CCDC92B: variants seen among roughly 807,000 people sequenced by gnomAD.
The protein encoded by CCDC92B is coiled-coil domain containing 92B, also known as coiled-coil domain-containing 92B.
A neutral mutation model predicts 5.6 loss-of-function variants in CCDC92B; 2 were observed. The ratio of observed to expected loss-of-function variants is 0.36; its 90% CI spans 0.15 to 1.12. The LOEUF (loss-of-function observed/expected upper bound fraction) is 1.12, where lower values mean the gene tolerates loss of function less well. CCDC92B is among the 50% of genes most tolerant of loss of function. CCDC92B has a pLI of 0.40. For missense variants in CCDC92B, 271 were observed against 262.2 expected (o/e 1.03, Z -0.23); for synonymous variants, 115 against 122.3 (o/e 0.94, Z 0.39).
At chr17:2,742,571 A>G (rs554824966) in intron 1 of CCDC92B, among the ~76,000 whole-genome samples, 1 of 152,298 alleles carries the variant, frequency 6.6e-6, no homozygotes, top group East Asian at 1.9e-4. Flanking sequence ...GAATGAAGGC[A>G]TATTTGCTAG....
intron 1 of CCDC92B, among the ~76,000 whole-genome samples, chr17:2,736,528 C>T (rs1040592013): frequency 2.0e-5 from 3 of 151,960 alleles, no homozygotes; most frequent in African/African-American, 4.8e-5. Context: ...GGGAAGACTG[C>T]GTGAGTCCAG....
At chr17:2,748,166 TTCTA>T (rs1386418253) in intron 1 of CCDC92B, 1 of 537,578 alleles carries the variant, frequency 1.9e-6, no homozygotes, top group Admixed American at 1.9e-5. Context: ...CTCTTTTGGA[TTCTA>T]TCTCTTGCTG....
chr17:2,730,282 AC>A (rs775719358), intron 3 of CCDC92B, among the ~76,000 whole-genome samples, 163 bp downstream of exon 3: 79 of 152,258 alleles, frequency 5.2e-4, no homozygotes, highest in Middle Eastern at 3.4e-3. Context: ...AATGTCGTCC[AC>A]TGGGCAAGTG....
chr17:2,748,334 G>C, intron 1 of CCDC92B: 1 of 974,610 alleles, frequency 1.0e-6, no homozygotes, highest in Non-Finnish European at 1.2e-6. Context: ...CCCCCACCAA[G>C]ATGGAACGAC....
At chr17:2,739,195 A>T (rs370543056) in intron 1 of CCDC92B, among the ~76,000 whole-genome samples, 1 of 148,152 alleles carries the variant, frequency 6.7e-6, no homozygotes, top group South Asian at 2.1e-4. Context: ...GTAGAACCCC[A>T]TCTCTACTAA....
intron 1 of CCDC92B, among the ~76,000 whole-genome samples, chr17:2,745,490 C>T (rs982279737): frequency 6.6e-6 from 1 of 152,088 alleles, no homozygotes; most frequent in Non-Finnish European, 1.5e-5. Flanking sequence ...ACTAGGCAGG[C>T]TGCTTTTCTC....
At chr17:2,745,984 C>CT (rs983778780) in intron 1 of CCDC92B, among the ~76,000 whole-genome samples, 4 of 151,894 alleles carry the variant, frequency 2.6e-5, no homozygotes, top group South Asian at 4.2e-4. Context: ...CCTTCTCCTT[C>CT]TTTTTTTTCC....
At chr17:2,734,025 G>A (rs2070830456) in intron 2 of CCDC92B, among the ~76,000 whole-genome samples, 1 of 152,072 alleles carries the variant, frequency 6.6e-6, no homozygotes, top group Non-Finnish European at 1.5e-5. Context: ...CTCCCAAAGT[G>A]CTGGGATTAC....
At chr17:2,734,663 G>A (rs1401786261) in intron 2 of CCDC92B, among the ~76,000 whole-genome samples, 1 of 151,944 alleles carries the variant, frequency 6.6e-6, no homozygotes, top group African/African-American at 2.4e-5. Context: ...CTAATTTTTT[G>A]TATTTTAGTA....
chr17:2,723,939 A>C lies in CCDC92B; in HGVS notation c.*472T>G, dbSNP rs563307758. 1.9e-5 allele frequency: 18 copies of C among 929,440 alleles called. No individual in the cohort carries two copies. The highest frequency in any genetic ancestry group is 2.4e-5 in the African/African-American group (1 of 41,290). The allele number at this position is 929,440 out of a possible 1,614,324, so 57.6% of individuals were successfully genotyped here. ...CCTGGGCCTCTCCTGGGGAGGAAGA[A>C]GGCTTGGCGGGAAGGGCGTCGGCGC... On this transcript the variant is annotated 3_prime_UTR_variant, in exon 4 of 4. Coordinates refer to ENST00000614400, the MANE Select transcript of CCDC92B (RefSeq NM_001355573.2).
At chr17:2,739,405 G>A (rs1181603506) in intron 1 of CCDC92B, among the ~76,000 whole-genome samples, 4 of 151,200 alleles carry the variant, frequency 2.6e-5, no homozygotes, top group Non-Finnish European at 5.9e-5. Context: ...AACAGGCTGG[G>A]CGCGGTGGCT....
intron 3 of CCDC92B, 107 bp downstream of exon 3, chr17:2,730,339 C>T: frequency 1.7e-6 from 1 of 585,612 alleles, no homozygotes; most frequent in Non-Finnish European, 2.2e-6. Flanking sequence ...AGTGACTATC[C>T]CCAAGTCTAG....
intron 1 of CCDC92B, among the ~76,000 whole-genome samples, chr17:2,743,066 G>T (rs922949929): frequency 6.6e-6 from 1 of 152,186 alleles, no homozygotes; most frequent in Non-Finnish European, 1.5e-5. Flanking sequence ...CATTGCAGTA[G>T]GCTCCTGACT....
In CCDC92B at chr17:2,724,589, C is replaced by A; in HGVS notation, c.590G>T (p.Gly197Val). The change falls in exon 4 of 4, where the codon GGG becomes GTG. Residue 197 changes from glycine to valine, a missense_variant. Physicochemically the swap from Gly to Val is moderately radical, Grantham distance 109. Transcript: ENST00000614400. The surrounding 1 kb of genome is among the most constrained non-coding windows in gnomAD (Gnocchi z 5.0). Reference protein sequence around the residue: ...PGRDWAAWDRGAGALDDADPM... With the variant: ...PGRDWAAWDRVAGALDDADPM... ...GTCGGCGTCGTCGAGGGCGCCGGCC[C>A]CGCGGTCCCAGGCGGCCCAGTCCCG... is the stretch of plus-strand genomic sequence containing the variant. The A allele has an allele frequency of 1.0e-6, 1 of 981,996 alleles. No homozygotes were observed. The highest frequency in any genetic ancestry group is 4.6e-5 in the South Asian group (1 of 21,728). 60.8% of individuals were successfully genotyped at this position (981,996 alleles called of 1,614,324 possible).
intron 2 of CCDC92B, among the ~76,000 whole-genome samples, chr17:2,731,553 C>A (rs1295349970): frequency 6.6e-6 from 1 of 152,170 alleles, no homozygotes; most frequent in Non-Finnish European, 1.5e-5. Context: ...CCTTCAGGGG[C>A]CTTGTGACCC....
intron 2 of CCDC92B, among the ~76,000 whole-genome samples, chr17:2,734,555 T>C (rs1567614748): frequency 6.6e-6 from 1 of 151,072 alleles, no homozygotes; most frequent in Non-Finnish European, 1.5e-5. Context: ...AGTGGCGTGA[T>C]CTCAGCTCAC....
At chr17:2,748,163 G>A in intron 1 of CCDC92B, 1 of 536,756 alleles carries the variant, frequency 1.9e-6, no homozygotes, top group Non-Finnish European at 3.8e-6. Context: ...CTTCTCTTTT[G>A]GATTCTATCT....
rs1450735422 is a variant in CCDC92B, at chr17:2,723,907, C to A, written c.*504G>T. On this transcript the variant is annotated 3_prime_UTR_variant, in exon 4 of 4. Transcript: ENST00000614400. ...GTCAGGGTGGGGGTAGAAGGACCAGCCCCTAGCCTGGGCCTCTCCTGGGGA... is the reference window on the plus strand; with the variant it reads ...GTCAGGGTGGGGGTAGAAGGACCAGACCCTAGCCTGGGCCTCTCCTGGGGA... 3 of 983,612 alleles carry A rather than the reference C, an allele frequency of 3.0e-6. No individual in the cohort carries two copies. Among genetic ancestry groups the A allele is most frequent in the Non-Finnish European group, 3.6e-6 (3 of 828,542 alleles). The allele number at this position is 983,612 out of a possible 1,614,324, so 60.9% of individuals were successfully genotyped here.
intron 1 of CCDC92B, among the ~76,000 whole-genome samples, chr17:2,740,586 C>T (rs2070914641): frequency 6.6e-6 from 1 of 151,834 alleles, no homozygotes; most frequent in Non-Finnish European, 1.5e-5. Context: ...TCACTTGAAC[C>T]CAGGAGGCGG....
Sources: allele counts gnomAD v4.1 joint callset (sites outside exome capture counted in the v4.1 genomes callset), GRCh38; gene constraint gnomAD v4.1.1; non-coding constraint Gnocchi (gnomAD v3.1); transcripts MANE v1.5; gene names NCBI Gene and HGNC (gene_info 2026-07-23, HGNC 2026-07-21).